Variants in VANGL1 observed in about 807,000 individuals in gnomAD.
VANGL1 encodes VANGL planar cell polarity protein 1, also known as vang-like protein 1.
VANGL1 carries 18 observed loss-of-function variants against 48.4 expected under a neutral mutation model. The observed-to-expected ratio is 0.37, with a 90% CI of 0.26 to 0.55. VANGL1 has a LOEUF of 0.55. VANGL1 is among the 20% of genes least tolerant of loss of function. The pLI is 0.81. For synonymous variants in VANGL1, 257 were observed against 261.8 expected, an observed-to-expected ratio of 0.98 and a Z score of 0.18; for missense variants, 667 against 675.8, an observed-to-expected ratio of 0.99 and a Z score of 0.14.
chr1:115,653,111 G>A (rs1210519014), intron 2 of VANGL1, among the ~76,000 whole-genome samples: 4 of 152,196 alleles, frequency 2.6e-5, no homozygotes, highest in Admixed American at 1.3e-4. Flanking sequence ...CTGTCTCTGA[G>A]TGTAGGATTA....
At chr1:115,682,294 A>G (rs1027386951) in intron 4 of VANGL1, 70 bp from the exon 5 acceptor site, 1 of 1,596,796 alleles carries the variant, frequency 6.3e-7, no homozygotes, top group Non-Finnish European at 8.5e-7. Context: ...ACTCCAAAAG[A>G]GGATTTTTCG....
chr1:115,664,771 G>A (rs1652709579), intron 4 of VANGL1, among the ~76,000 whole-genome samples: 1 of 152,128 alleles, frequency 6.6e-6, no homozygotes, highest in African/African-American at 2.4e-5. Flanking sequence ...TCAAGTGCAG[G>A]TTAGAGACTC....
At chr1:115,685,600 G>A in intron 7 of VANGL1, 73 bp downstream of exon 7, 7 of 1,439,318 alleles carry the variant, frequency 4.9e-6, no homozygotes, top group East Asian at 2.4e-5. Context: ...GAATTATAGC[G>A]TGTTACTAGA....
At chr1:115,644,287 C>T (rs990641912) in intron 1 of VANGL1, among the ~76,000 whole-genome samples, 3 of 152,136 alleles carry the variant, frequency 2.0e-5, no homozygotes, top group Non-Finnish European at 4.4e-5. Flanking sequence ...ACTTGTTATG[C>T]GGATTAAGTG....
intron 2 of VANGL1, among the ~76,000 whole-genome samples, chr1:115,657,419 T>TG (rs1290669269): frequency 6.6e-6 from 1 of 152,172 alleles, no homozygotes; most frequent in Non-Finnish European, 1.5e-5. Context: ...AGAAGTAACT[T>TG]GAACTCTGTG....
chr1:115,693,864 T>G lies in VANGL1; in HGVS notation c.*2485T>G, dbSNP rs1215594880. On this transcript the variant is annotated 3_prime_UTR_variant, in exon 8 of 8. Coordinates refer to ENST00000355485, the MANE Select transcript of VANGL1 (RefSeq NM_138959.3). The stretch of plus-strand genomic sequence containing the variant: ...CTATTCTTTTTAAAAGGGGGTAAAC[T>G]TCGCCCTAAGGCTGGTAGAATGTAT... 2.0e-5 allele frequency: 3 copies of G among 152,224 alleles called. No homozygotes were observed. Among genetic ancestry groups the G allele is most frequent in the Non-Finnish European group, 4.4e-5 (3 of 68,038 alleles). 9.4% of individuals were successfully genotyped at this position (152,224 alleles called of 1,614,324 possible). A position where few individuals can be genotyped will look rare whatever the true frequency, so the allele number is the denominator to read the frequency against.
chr1:115,658,971 ACATC>A (rs780671189), intron 2 of VANGL1, among the ~76,000 whole-genome samples: 1 of 151,510 alleles, frequency 6.6e-6, no homozygotes, highest in African/African-American at 2.4e-5. Context: ...AAACACACAC[ACATC>A]CACCCACACA....
intron 3 of VANGL1, 50 bp downstream of exon 3, chr1:115,659,823 C>T (rs747314249): frequency 6.2e-6 from 10 of 1,612,888 alleles, no homozygotes; most frequent in Non-Finnish European, 8.5e-6. Flanking sequence ...GCCAAGACTC[C>T]TGTCTGTAAA....
chr1:115,679,356 A>G (rs1392361864), intron 4 of VANGL1, among the ~76,000 whole-genome samples: 2 of 152,222 alleles, frequency 1.3e-5, no homozygotes, highest in African/African-American at 4.8e-5. Context: ...CATGCCTGTG[A>G]CACCCAGGGC....
intron 5 of VANGL1, among the ~76,000 whole-genome samples, 157 bp downstream of exon 5, chr1:115,682,654 A>G (rs1570770387): frequency 6.6e-6 from 1 of 152,122 alleles, no homozygotes; most frequent in Admixed American, 6.5e-5. Flanking sequence ...AGGCAGACAC[A>G]TGTTTAGAGG....
rs1653985818 is a variant in VANGL1, at chr1:115,695,051, A to G, written c.*3672A>G. 6.6e-6 allele frequency: 1 copy of G among 152,160 alleles called. No homozygotes were observed. Among genetic ancestry groups the G allele is most frequent in the Non-Finnish European group, 1.5e-5 (1 of 68,040 alleles). 9.4% of individuals were successfully genotyped at this position (152,160 alleles called of 1,614,324 possible). ...TTCTCCCGCTAGAGTAAATGGCTTT[A>G]GCACAGCACTGTCTTCTGGGGAGCC... is the stretch of plus-strand genomic sequence containing the variant. On this transcript the variant is annotated 3_prime_UTR_variant, in exon 8 of 8. Coordinates refer to ENST00000355485, the MANE Select transcript of VANGL1 (RefSeq NM_138959.3).
intron 1 of VANGL1, among the ~76,000 whole-genome samples, chr1:115,647,124 T>C (rs527425770): frequency 6.6e-6 from 1 of 152,346 alleles, no homozygotes; most frequent in African/African-American, 2.4e-5. Flanking sequence ...AACAGGGAAG[T>C]GACGTCTGCA....
At chr1:115,661,677 G>T (rs1007841795) in intron 3 of VANGL1, among the ~76,000 whole-genome samples, 2 of 151,976 alleles carry the variant, frequency 1.3e-5, no homozygotes, top group South Asian at 2.1e-4. Context: ...GAGTGCAGCG[G>T]CATGATATCA....
chr1:115,681,503 G>GTTTTTTT (rs368388367), intron 4 of VANGL1, among the ~76,000 whole-genome samples: 9 of 114,880 alleles, frequency 7.8e-5, no homozygotes, highest in African/African-American at 2.6e-4. Flanking sequence ...TTTTTTTGTT[G>GTTTTTTT]TTTTTTTTGT....
At chr1:115,674,948 G>C (rs1570761558) in intron 4 of VANGL1, among the ~76,000 whole-genome samples, 1 of 102,084 alleles carries the variant, frequency 9.8e-6, no homozygotes, top group Non-Finnish European at 2.5e-5. Context: ...GTGTACGTCT[G>C]TGTGTGTGTG....
chr1:115,642,866 G>T (rs1214911668), intron 1 of VANGL1, among the ~76,000 whole-genome samples: 2 of 152,190 alleles, frequency 1.3e-5, no homozygotes, highest in Non-Finnish European at 2.9e-5. Flanking sequence ...CCCAAGCATC[G>T]CGCCTAGAGA....
intron 1 of VANGL1, 128 bp from the exon 2 acceptor site, chr1:115,651,149 C>T: frequency 4.2e-6 from 2 of 475,634 alleles, no homozygotes; most frequent in Non-Finnish European, 7.7e-6. Context: ...AGTTCAGTTG[C>T]TTCACCCTCA....
rs868399815 is a variant in VANGL1 at position 115,685,468 on chromosome 1, A to G, written c.1255A>G (p.Ser419Gly). The G allele has an allele frequency of 6.2e-7, 1 of 1,614,028 alleles. No homozygotes were observed. Among genetic ancestry groups the G allele is most frequent in the African/African-American group, 1.3e-5 (1 of 74,936 alleles). Residue 419 changes from serine to glycine, a missense_variant, in exon 7 of 8, where the codon AGC becomes GGC. Ser to Gly is a moderately conservative substitution (Grantham distance 56). Coordinates refer to ENST00000355485, the MANE Select transcript of VANGL1 (RefSeq NM_138959.3). ...CATCACCCGGCAGCAGAACTACCAC[A>G]GCATGGAGAGCATCCTGCAGCACCT... ...LRITRQQNYH[S>G]MESILQHLAF...
At chr1:115,654,980 T>C (rs904571799) in intron 2 of VANGL1, among the ~76,000 whole-genome samples, 2 of 152,156 alleles carry the variant, frequency 1.3e-5, no homozygotes, top group Non-Finnish European at 2.9e-5. Context: ...AGAAGAGAAA[T>C]GCTACTTTAG....
Sources: allele counts gnomAD v4.1 joint callset (sites outside exome capture counted in the v4.1 genomes callset), GRCh38; gene constraint gnomAD v4.1.1; transcripts MANE v1.5; gene names NCBI Gene and HGNC (gene_info 2026-07-23, HGNC 2026-07-21).